GALNT5: variants seen among roughly 807,000 people sequenced by gnomAD.
GALNT5 encodes the protein UDP-GalNAc:polypeptide N-acetylgalactosaminyltransferase 5.
A neutral mutation model predicts 85.4 loss-of-function variants in GALNT5; 72 were observed. The ratio of observed to expected loss-of-function variants is 0.84; its 90% confidence interval spans 0.70 to 1.03. The LOEUF (loss-of-function observed/expected upper bound fraction) is 1.03, where lower values mean the gene tolerates loss of function less well. Among genes scored for constraint, GALNT5 ranks in the 50% least tolerant of loss-of-function variants. The pLI is 0.00. For synonymous variants in GALNT5, 404 were observed against 397.0 expected (o/e 1.02, Z -0.21); for missense variants, 1,137 against 1,135.5 (o/e 1.00, Z -0.02).
rs758823256 is a variant in GALNT5, at chr2:157,259,387, C to A, written c.1305C>A (p.Pro435=). ...ATGTGACACTTTCTCCAAGGGACCC[C>A]AAAGCTCCAGGGCAGTTTGGGCGTC... ...RIDVTLSPRD[P]KAPGQFGRPV... Residue 435 remains proline, a synonymous_variant, in exon 1 of 10, where the codon CCC becomes CCA. Transcript: ENST00000259056. 3 of 1,509,158 alleles carry A rather than the reference C, an allele frequency of 2.0e-6. No individual in the cohort carries two copies. Among genetic ancestry groups the A allele is most frequent in the South Asian group, 2.8e-5 (2 of 71,116 alleles). The allele number at this position is 1,509,158 out of a possible 1,614,324, so 93.5% of individuals were successfully genotyped here.
At chr2:157,306,611 A>G (rs1284865210) in intron 8 of GALNT5, among the ~76,000 whole-genome samples, 1 of 152,220 alleles carries the variant, frequency 6.6e-6, no homozygotes, top group African/African-American at 2.4e-5. Context: ...AGGAAAATGG[A>G]TTCATGAATA....
intron 4 of GALNT5, 50 bp from the exon 5 acceptor site, chr2:157,296,344 A>G (rs191571382): frequency 6.9e-7 from 1 of 1,452,506 alleles, no homozygotes; most frequent in Admixed American, 1.7e-5. Flanking sequence ...AAAGTATATA[A>G]AGATGTATAT....
chr2:157,283,835 A>C (rs1682907758), intron 1 of GALNT5, among the ~76,000 whole-genome samples: 1 of 152,238 alleles, frequency 6.6e-6, no homozygotes, highest in Admixed American at 6.5e-5. Context: ...ACTCTATTGA[A>C]TAAGAACCAT....
intron 1 of GALNT5, among the ~76,000 whole-genome samples, chr2:157,280,568 G>T (rs1227557595): frequency 6.6e-6 from 1 of 152,234 alleles, no homozygotes; most frequent in African/African-American, 2.4e-5. Flanking sequence ...ATTTGTCATG[G>T]CAGTCAGAAG....
In GALNT5 at chr2:157,317,532, AT is replaced by A. The variant is rs1411667785; in HGVS notation, c.*6186del. ...GAGAAGCCAAAGATTAAGTAAGTGA[AT>A]TGTGTTAAAGATTGCCTGAAAACAT... On this transcript the variant is annotated 3_prime_UTR_variant, in exon 10 of 10. Transcript: ENST00000259056. 6.6e-6 allele frequency among the ~76,000 whole-genome samples: 1 copy of A among 152,156 alleles called. No homozygotes were observed. Among genetic ancestry groups the A allele is most frequent in the African/African-American group, 2.4e-5 (1 of 41,462 alleles).
intron 3 of GALNT5, among the ~76,000 whole-genome samples, chr2:157,292,198 T>C (rs1236724269): frequency 6.6e-6 from 1 of 152,250 alleles, no homozygotes; most frequent in East Asian, 1.9e-4. Context: ...TTGAAGGCTG[T>C]TGTATGTAAC....
In GALNT5 at chr2:157,281,568, T is replaced by C. The variant is rs183359575; in HGVS notation, c.1455-2714T>C. On this transcript the variant is annotated intron_variant, in intron 1 of 9. Coordinates refer to ENST00000259056, the MANE Select transcript of GALNT5 (RefSeq NM_014568.3). ...AGAAAGCTCCTATCAAATTGCGCCA[T>C]GGCATTCCCGCCTGGGTGACAGAGC... 1.0e-3 allele frequency among the ~76,000 whole-genome samples: 155 copies of C among 152,176 alleles called. 1 individual carries two copies. Among genetic ancestry groups the C allele is most frequent in the Admixed American group, 2.7e-3 (41 of 15,270 alleles).
At position 157,316,429 on chromosome 2, in the gene GALNT5, C is replaced by T. The variant is rs1279835498; in HGVS notation, c.*5081C>T. On this transcript the variant is annotated 3_prime_UTR_variant, in exon 10 of 10. Coordinates refer to ENST00000259056, the MANE Select transcript of GALNT5 (RefSeq NM_014568.3). ...TATTACCAACCCTTGATCCCTCCAA[C>T]CTTTAATCAAAGCTAGCAGATTGCT... is the stretch of plus-strand genomic sequence containing the variant. 1.3e-5 allele frequency among the ~76,000 whole-genome samples: 2 copies of T among 151,518 alleles called. No homozygotes were observed. The highest frequency in any genetic ancestry group is 2.9e-5 in the Non-Finnish European group (2 of 67,948).
intron 7 of GALNT5, among the ~76,000 whole-genome samples, 173 bp from the exon 8 acceptor site, chr2:157,305,576 A>G (rs940181858): frequency 5.3e-5 from 8 of 152,222 alleles, no homozygotes; most frequent in Non-Finnish European, 7.3e-5. Flanking sequence ...ACAAGATTAC[A>G]TTATGTCTCT....
chr2:157,305,728 G>A, intron 7 of GALNT5, 21 bp from the exon 8 acceptor site: 2 of 1,370,570 alleles, frequency 1.5e-6, no homozygotes, highest in South Asian at 2.3e-5. Flanking sequence ...TGTAATTCCT[G>A]TTTCGTATTT....
chr2:157,305,865 T>C, intron 8 of GALNT5, 36 bp downstream of exon 8: 2 of 1,151,876 alleles, frequency 1.7e-6, no homozygotes, highest in Non-Finnish European at 2.6e-6. Context: ...TGGTAGCTGA[T>C]AGGTGCAGGG....
chr2:157,294,668 C>T (rs1041568529), intron 3 of GALNT5, among the ~76,000 whole-genome samples: 1 of 152,018 alleles, frequency 6.6e-6, no homozygotes, highest in Non-Finnish European at 1.5e-5. Context: ...CCATGAGCCC[C>T]AGTAGGTAGA....
In GALNT5 at chr2:157,258,702, C is replaced by A; in HGVS notation, c.620C>A (p.Thr207Lys). Reference protein sequence around the residue: ...PRKSHSPSSDTSKLAAERDLN... With the variant: ...PRKSHSPSSDKSKLAAERDLN... ...AAGAGTCATAGTCCCAGCAGTGACA[C>A]ATCAAAACTAGCAGCTGAAAGGGAC... The change falls in exon 1 of 10, where the codon ACA becomes AAA. Residue 207 changes from threonine (T) to lysine (K), a missense_variant. By Grantham distance (78) the Thr-to-Lys change is moderately conservative. Transcript: ENST00000259056. 2 of 1,613,922 alleles carry A rather than the reference C, an allele frequency of 1.2e-6. No homozygotes were observed. Among genetic ancestry groups the A allele is most frequent in the Middle Eastern group, 1.6e-4 (1 of 6,062 alleles).
intron 1 of GALNT5, among the ~76,000 whole-genome samples, chr2:157,268,672 CT>C (rs1682511682): frequency 6.6e-6 from 1 of 152,170 alleles, no homozygotes; most frequent in East Asian, 1.9e-4. Flanking sequence ...AGTCCAGAGT[CT>C]TTCTGTCCAC....
At chr2:157,303,835 A>G (rs1683398734) in intron 7 of GALNT5, among the ~76,000 whole-genome samples, 2 of 152,232 alleles carry the variant, frequency 1.3e-5, no homozygotes, top group African/African-American at 4.8e-5. Context: ...AGACACAAAT[A>G]GTTAAACAGG....
rs1352557477 is a variant in GALNT5 at position 157,316,076 on chromosome 2, T to G, written c.*4728T>G. Among the ~76,000 whole-genome samples, 1 of 152,130 alleles carries G rather than the reference T, an allele frequency of 6.6e-6. No homozygotes were observed. Among genetic ancestry groups the G allele is most frequent in the African/African-American group, 2.4e-5 (1 of 41,420 alleles). On this transcript the variant is annotated 3_prime_UTR_variant, in exon 10 of 10. Transcript: ENST00000259056. Reference sequence around the variant, plus strand: ...GCCCTCCCACCCTAACCTTTTATTATGCAAATGCATCTTCTACCTGGCTGT... The same window carrying G: ...GCCCTCCCACCCTAACCTTTTATTAGGCAAATGCATCTTCTACCTGGCTGT...
rs753401010 is a variant in GALNT5 at position 157,258,214 on chromosome 2, C to G, written c.132C>G (p.Val44=). The G allele has an allele frequency of 1.2e-6, 2 of 1,613,724 alleles. No individual in the cohort carries two copies. Among genetic ancestry groups the G allele is most frequent in the South Asian group, 2.2e-5 (2 of 90,988 alleles). Residue 44 remains valine, a synonymous_variant, in exon 1 of 10, where the codon GTC becomes GTG. Transcript: ENST00000259056. ...CATTCAGTGAGATCAACACTCGGGT[C>G]ATCAAGGAAGACATTGTGAGGAGGG... ...RLSFSEINTR[V]IKEDIVRRER...
chr2:157,281,289 T>G (rs555081566), intron 1 of GALNT5, among the ~76,000 whole-genome samples: 22 of 152,334 alleles, frequency 1.4e-4, no homozygotes, highest in Non-Finnish European at 2.5e-4. Context: ...GGTCTTGAAC[T>G]CCTGACCTCA....
rs937262042 is a variant in GALNT5 at position 157,317,353 on chromosome 2, C to A, written c.*6005C>A. Among the ~76,000 whole-genome samples the A allele has an allele frequency of 6.6e-6, 1 of 152,088 alleles. No homozygotes were observed. The highest frequency in any genetic ancestry group is 2.4e-5 in the African/African-American group (1 of 41,522). On this transcript the variant is annotated 3_prime_UTR_variant, in exon 10 of 10. Coordinates refer to ENST00000259056, the MANE Select transcript of GALNT5 (RefSeq NM_014568.3). ...TCTGCACAAAAGTATCTCAAGTGAA[C>A]TTACACTCTGGATACCATTTTCCAA...
Sources: allele counts gnomAD v4.1 joint callset (sites outside exome capture counted in the v4.1 genomes callset), GRCh38; gene constraint gnomAD v4.1.1; transcripts MANE v1.5; gene names NCBI Gene and HGNC (gene_info 2026-07-23, HGNC 2026-07-21).